The following GRM8 variants were observed in gnomAD, a reference collection of about 807,000 sequenced individuals.
GRM8 encodes the protein metabotropic glutamate receptor 8.
A neutral mutation model predicts 87.2 loss-of-function variants in GRM8; 47 were observed. The observed-to-expected ratio is 0.54, with a 90% confidence interval of 0.43 to 0.69. The LOEUF is 0.69. Ranked by LOEUF, GRM8 falls within the 30% of genes least tolerant of loss-of-function variation. The pLI is 0.00. For synonymous variants in GRM8, 396 were observed against 404.5 expected (o/e 0.98, Z 0.25); for missense variants, 1,019 against 1,139.2 (o/e 0.89, Z 1.52).
chr7:127,049,019 C>A (rs1411822628), intron 3 of GRM8, among the ~76,000 whole-genome samples: 2 of 152,124 alleles, frequency 1.3e-5, no homozygotes, highest in African/African-American at 4.8e-5. Flanking sequence ...GAACTAGAGG[C>A]TCGCCATTAT....
At chr7:126,951,682 T>C (rs1808178320) in intron 3 of GRM8, among the ~76,000 whole-genome samples, 1 of 152,034 alleles carries the variant, frequency 6.6e-6, no homozygotes, top group Admixed American at 6.6e-5. Context: ...ATTCTAAAAC[T>C]ATGTGTTCAC....
chr7:127,225,789 T>C (rs1797284860), intron 2 of GRM8, among the ~76,000 whole-genome samples: 1 of 151,594 alleles, frequency 6.6e-6, no homozygotes, highest in Non-Finnish European at 1.5e-5. Flanking sequence ...CCTTTAATTT[T>C]ATTAGGGACA....
intron 6 of GRM8, among the ~76,000 whole-genome samples, chr7:126,896,668 C>T (rs1332935371): frequency 2.0e-5 from 3 of 152,132 alleles, no homozygotes; most frequent in Admixed American, 6.6e-5. Context: ...ATTGAGGCTG[C>T]TATTTGGTTC....
At chr7:126,550,692 T>C (rs189559198) in intron 8 of GRM8, among the ~76,000 whole-genome samples, 2 of 152,120 alleles carry the variant, frequency 1.3e-5, no homozygotes, top group Non-Finnish European at 2.9e-5. Flanking sequence ...CAAAAATTTG[T>C]ATTATTCAAT....
intron 8 of GRM8, among the ~76,000 whole-genome samples, chr7:126,597,741 C>A (rs903530657): frequency 6.6e-6 from 1 of 152,020 alleles, no homozygotes; most frequent in African/African-American, 2.4e-5. Context: ...GCATCACTTT[C>A]TTTGATTTTC....
At chr7:126,641,939 A>G (rs1802435409) in intron 7 of GRM8, among the ~76,000 whole-genome samples, 1 of 152,132 alleles carries the variant, frequency 6.6e-6, no homozygotes, top group South Asian at 2.1e-4. Context: ...TTCCAGTTAC[A>G]CCTCATTGGC....
At chr7:126,691,336 C>T (rs921891857) in intron 7 of GRM8, among the ~76,000 whole-genome samples, 5 of 152,138 alleles carry the variant, frequency 3.3e-5, no homozygotes, top group Admixed American at 6.5e-5. Flanking sequence ...GAGCAGGCAC[C>T]GGGAGTGGGG....
chr7:126,528,805 C>T (rs2150833128), intron 9 of GRM8, among the ~76,000 whole-genome samples: 1 of 152,180 alleles, frequency 6.6e-6, no homozygotes, highest in East Asian at 1.9e-4. Context: ...GAACTCATTA[C>T]CACCTATAGA....
At chr7:126,565,551 A>G (rs1297916098) in intron 8 of GRM8, among the ~76,000 whole-genome samples, 2 of 152,128 alleles carry the variant, frequency 1.3e-5, no homozygotes, top group Non-Finnish European at 2.9e-5. Flanking sequence ...AAAGACACAA[A>G]CAAATGGAAA....
In GRM8 at chr7:126,756,813, A is replaced by G. The variant is rs376820581; in HGVS notation, c.1357+13052T>C. On this transcript the variant is annotated intron_variant, in intron 7 of 10. Transcript: ENST00000339582. Reference sequence around the variant, plus strand: ...CTTTTAGGTCAGAGAATGAACCTCAACATAGAACTATGGATACTCCTATAC... The same window carrying G: ...CTTTTAGGTCAGAGAATGAACCTCAGCATAGAACTATGGATACTCCTATAC... Among the ~76,000 whole-genome samples, 120 of 152,238 alleles carry G rather than the reference A, an allele frequency of 7.9e-4. 1 individual carries two copies. The highest frequency in any genetic ancestry group is 2.6e-3 in the African/African-American group (108 of 41,560).
chr7:126,905,301 T>A (rs914976759), intron 3 of GRM8, among the ~76,000 whole-genome samples: 1 of 152,136 alleles, frequency 6.6e-6, no homozygotes, highest in African/African-American at 2.4e-5. Flanking sequence ...AGAAATACCA[T>A]CTCATTTTCA....
intron 6 of GRM8, among the ~76,000 whole-genome samples, chr7:126,778,789 G>A (rs1819743718): frequency 6.6e-6 from 1 of 151,822 alleles, no homozygotes; most frequent in Non-Finnish European, 1.5e-5. Flanking sequence ...ATATGTTACA[G>A]TCATTTCAGA....
chr7:127,083,295 C>T (rs1823073372), intron 3 of GRM8, among the ~76,000 whole-genome samples: 1 of 152,138 alleles, frequency 6.6e-6, no homozygotes, highest in South Asian at 2.1e-4. Context: ...CTTCCTTCTC[C>T]CTCACTCTGT....
intron 3 of GRM8, among the ~76,000 whole-genome samples, chr7:126,955,350 T>C (rs1334467978): frequency 6.6e-6 from 1 of 152,142 alleles, no homozygotes; most frequent in African/African-American, 2.4e-5. Flanking sequence ...ACAAAGGCTG[T>C]AAAATAACAT....
At chr7:127,099,570 C>T (rs1206571824) in intron 3 of GRM8, among the ~76,000 whole-genome samples, 2 of 152,178 alleles carry the variant, frequency 1.3e-5, no homozygotes, top group African/African-American at 4.8e-5. Context: ...TAGGTTACCT[C>T]ATTTACCCAA....
rs1804525608 is a variant in GRM8, at chr7:126,656,349, A to C, written c.1358-46851T>G. On this transcript the variant is annotated intron_variant, in intron 7 of 10. Coordinates refer to ENST00000339582, the MANE Select transcript of GRM8 (RefSeq NM_000845.3). ...CATTTGAATTGGTGAGAGAGCTAAC[A>C]GTTTCCACTCCTCCTCATGTTATTT... Among the ~76,000 whole-genome samples, 3 of 152,192 alleles carry C rather than the reference A, an allele frequency of 2.0e-5. No individual in the cohort carries two copies. In the South Asian group the frequency reaches 6.2e-4, roughly 31 times the overall value.
intron 3 of GRM8, among the ~76,000 whole-genome samples, chr7:127,035,606 C>T (rs1458947915): frequency 1.3e-5 from 2 of 152,184 alleles, no homozygotes. Context: ...GCAGCTTCCT[C>T]TCTATCTTCC....
At chr7:127,172,198 A>G (rs974609277) in intron 2 of GRM8, among the ~76,000 whole-genome samples, 1 of 152,088 alleles carries the variant, frequency 6.6e-6, no homozygotes, top group African/African-American at 2.4e-5. Context: ...TAAAATTGAT[A>G]TTTCTTTTGT....
chr7:126,659,630 C>T (rs1804926731), intron 7 of GRM8, among the ~76,000 whole-genome samples: 1 of 152,118 alleles, frequency 6.6e-6, no homozygotes, highest in African/African-American at 2.4e-5. Flanking sequence ...AAGTGAGACC[C>T]TTTTCCTTTC....
Sources: gnomAD v4.1 joint callset for allele counts (sites outside exome capture counted in the v4.1 genomes callset) on GRCh38, gnomAD v4.1.1 for gene constraint, MANE v1.5 for transcripts, NCBI Gene and HGNC (gene_info 2026-07-23, HGNC 2026-07-21) for gene names.